CSGALNACT1: variants seen among roughly 807,000 people sequenced by gnomAD.
CSGALNACT1 encodes beta4GalNAcT-1.
In CSGALNACT1, 52 loss-of-function variants were observed where a neutral mutation model predicts 51.0. The observed-to-expected ratio is 1.02, with a 90% CI of 0.82 to 1.29. CSGALNACT1 has a LOEUF of 1.29. Ranked by LOEUF, CSGALNACT1 falls within the 50% of genes most tolerant of loss-of-function variation. CSGALNACT1 has a pLI of 0.00. For missense variants in CSGALNACT1, 935 were observed against 679.2 expected (o/e 1.38, Z -4.19); for synonymous variants, 341 against 254.4 (o/e 1.34, Z -3.24).
intron 3 of CSGALNACT1, among the ~76,000 whole-genome samples, chr8:19,590,351 A>C (rs1463713701): frequency 6.6e-6 from 1 of 152,224 alleles, no homozygotes; most frequent in Non-Finnish European, 1.5e-5. Flanking sequence ...TGGACATCAT[A>C]CAGTCAACAT....
intron 4 of CSGALNACT1, among the ~76,000 whole-genome samples, chr8:19,466,592 G>C (rs1212294889): frequency 6.6e-6 from 1 of 152,142 alleles, no homozygotes; most frequent in African/African-American, 2.4e-5. Flanking sequence ...GATCACATGA[G>C]ATAAATGAGA....
chr8:19,630,205 T>C (rs1309989912), intron 1 of CSGALNACT1, among the ~76,000 whole-genome samples: 1 of 106,298 alleles, frequency 9.4e-6, no homozygotes, highest in Non-Finnish European at 1.9e-5. Flanking sequence ...TGTGTGTGTG[T>C]GTGTGTGTGT....
intron 1 of CSGALNACT1, among the ~76,000 whole-genome samples, chr8:19,679,328 A>G (rs1413813631): frequency 3.3e-5 from 5 of 152,008 alleles, no homozygotes; most frequent in Non-Finnish European, 7.4e-5. Flanking sequence ...GGTGATGTGC[A>G]TCTCTAGTCC....
At chr8:19,726,481 TAC>T (rs1158472464) in intron 1 of CSGALNACT1, among the ~76,000 whole-genome samples, 11 of 152,236 alleles carry the variant, frequency 7.2e-5, no homozygotes, top group African/African-American at 2.4e-4. Flanking sequence ...TGTACACATT[TAC>T]AGAGTACAAC....
intron 1 of CSGALNACT1, among the ~76,000 whole-genome samples, chr8:19,696,149 C>T (rs950728612): frequency 1.3e-5 from 2 of 152,294 alleles, no homozygotes; most frequent in African/African-American, 2.4e-5. Flanking sequence ...TTCTCCAGGA[C>T]ATCATGAATA....
chr8:19,553,680 C>T (rs1269864649), intron 3 of CSGALNACT1, among the ~76,000 whole-genome samples: 1 of 133,224 alleles, frequency 7.5e-6, no homozygotes, highest in Non-Finnish European at 1.5e-5. Context: ...TATGAATGAG[C>T]AGACACCCAA....
At chr8:19,424,626 G>C (rs1405675574) in intron 6 of CSGALNACT1, among the ~76,000 whole-genome samples, 2 of 152,224 alleles carry the variant, frequency 1.3e-5, no homozygotes, top group Non-Finnish European at 2.9e-5. Context: ...ACAAGATGAG[G>C]AGGAATTGGC....
At chr8:19,701,152 C>CTTTTTTTT (rs1230956394) in intron 1 of CSGALNACT1, among the ~76,000 whole-genome samples, 15 of 54,300 alleles carry the variant, frequency 2.8e-4, no homozygotes, top group Admixed American at 4.5e-4. Flanking sequence ...ATCTATTATC[C>CTTTTTTTT]GTTTTTTTTT....
intron 1 of CSGALNACT1, among the ~76,000 whole-genome samples, chr8:19,674,229 G>T (rs1387085556): frequency 2.6e-5 from 4 of 152,172 alleles, no homozygotes; most frequent in African/African-American, 9.7e-5. Context: ...GGAGGTGGAG[G>T]TTGCAGTGAG....
At chr8:19,698,269 T>C (rs2061681447) in intron 1 of CSGALNACT1, among the ~76,000 whole-genome samples, 1 of 152,216 alleles carries the variant, frequency 6.6e-6, no homozygotes, top group African/African-American at 2.4e-5. Context: ...GAACCAACGC[T>C]CTTTCCATCA....
upstream of CSGALNACT1, among the ~76,000 whole-genome samples, chr8:19,606,026 A>G (rs920774199): frequency 3.3e-5 from 5 of 152,202 alleles, no homozygotes; most frequent in African/African-American, 7.2e-5. Flanking sequence ...CTTAAGTTCC[A>G]AGGCTTACTC....
At chr8:19,522,195 T>C (rs2080864774) in intron 3 of CSGALNACT1, among the ~76,000 whole-genome samples, 1 of 152,138 alleles carries the variant, frequency 6.6e-6, no homozygotes, top group South Asian at 2.1e-4. Context: ...AAAACCGTAT[T>C]AGTGAGAGAA....
At chr8:19,487,017 A>G (rs2073114644) in intron 4 of CSGALNACT1, among the ~76,000 whole-genome samples, 1 of 152,196 alleles carries the variant, frequency 6.6e-6, no homozygotes, top group South Asian at 2.1e-4. Flanking sequence ...GCAAACAGAA[A>G]TCCTTTAGCT....
intron 4 of CSGALNACT1, among the ~76,000 whole-genome samples, chr8:19,488,776 G>C (rs2073699189): frequency 6.6e-6 from 1 of 152,118 alleles, no homozygotes; most frequent in Admixed American, 6.6e-5. Flanking sequence ...AATAATGTCA[G>C]TTTCACAGAG....
At chr8:19,498,383 C>T (rs2075837682) in intron 4 of CSGALNACT1, among the ~76,000 whole-genome samples, 1 of 152,214 alleles carries the variant, frequency 6.6e-6, no homozygotes, top group Non-Finnish European at 1.5e-5. Context: ...CCATCCTTTC[C>T]CAACAATGCC....
intron 4 of CSGALNACT1, among the ~76,000 whole-genome samples, chr8:19,482,723 A>G (rs1416084421): frequency 1.3e-5 from 2 of 152,022 alleles, no homozygotes; most frequent in Non-Finnish European, 2.9e-5. Flanking sequence ...TTCACTCTCA[A>G]TGTTTCTACG....
Position 19,630,394 on chromosome 8 carries a change from A to G in CSGALNACT1, c.-543-28529T>C, listed in dbSNP as rs900451062. ...GTGAGAGAAAAAGTACAGAGTTCCC[A>G]TATATTCCCAACCACCCCCATCAGT... On this transcript the variant is annotated intron_variant, in intron 1 of 9. Transcript: ENST00000332246. Among the ~76,000 whole-genome samples, 6 of 152,246 alleles carry G rather than the reference A, an allele frequency of 3.9e-5. No homozygotes were observed. In the East Asian group the frequency reaches 1.2e-3, roughly 29 times the overall value.
At chr8:19,554,844 G>A (rs2089295481) in intron 3 of CSGALNACT1, among the ~76,000 whole-genome samples, 1 of 152,132 alleles carries the variant, frequency 6.6e-6, no homozygotes, top group South Asian at 2.1e-4. Context: ...CTTGAACCTG[G>A]GAGGCGGCAG....
chr8:19,438,852 T>G (rs2060823138), intron 6 of CSGALNACT1, among the ~76,000 whole-genome samples: 1 of 152,196 alleles, frequency 6.6e-6, no homozygotes, highest in South Asian at 2.1e-4. Flanking sequence ...AATACAAAAC[T>G]AGTAACAAAG....
Sources: allele counts gnomAD v4.1 joint callset (sites outside exome capture counted in the v4.1 genomes callset), GRCh38; gene constraint gnomAD v4.1.1; transcripts MANE v1.5; gene names NCBI Gene and HGNC (gene_info 2026-07-23, HGNC 2026-07-21).